The following CACNA1C variants were observed in gnomAD, a reference collection of about 807,000 sequenced individuals.
CACNA1C encodes voltage-dependent L-type calcium channel subunit alpha-1C.
A neutral mutation model predicts 229.0 loss-of-function variants in CACNA1C; 30 were observed. The observed-to-expected ratio is 0.13, with a 90% CI of 0.10 to 0.18. The LOEUF is 0.18. Among genes scored for constraint, CACNA1C ranks in the 10% least tolerant of loss-of-function variants. The pLI, the probability that CACNA1C is intolerant of heterozygous loss-of-function variation, is 1.00. For synonymous variants in CACNA1C, 1,114 were observed against 1,132.5 expected (o/e 0.98, Z 0.33); for missense variants, 1,658 against 2,845.0 (o/e 0.58, Z 9.49).
chr12:2,351,465 C>A (rs1161347758), intron 3 of CACNA1C, among the ~76,000 whole-genome samples: 2 of 152,184 alleles, frequency 1.3e-5, no homozygotes, highest in Admixed American at 1.3e-4. Flanking sequence ...CACTTCCTGG[C>A]CCTGGAGGTG....
rs1339169620 is a variant in CACNA1C, at chr12:2,067,253, A to G, written c.49+13642A>G. Among the ~76,000 whole-genome samples the G allele has an allele frequency of 6.6e-6, 1 of 152,062 alleles. No homozygotes were observed. The highest frequency in any genetic ancestry group is 1.5e-5 in the Non-Finnish European group (1 of 67,988). ...GTTTTAGTGGGAGTCAGGGAGTCTG[A>G]ATCCCCCAGCCTGCCTCCATCCCAG... is the stretch of plus-strand genomic sequence containing the variant. On this transcript the variant is annotated intron_variant, in intron 1 of 46. Coordinates refer to ENST00000399655, the MANE Select transcript of CACNA1C (RefSeq NM_000719.7). The surrounding 1 kb of genome is among the most constrained non-coding windows in gnomAD (Gnocchi z 5.3).
intron 13 of CACNA1C, among the ~76,000 whole-genome samples, chr12:2,577,903 C>G (rs1202199116): frequency 2.0e-5 from 3 of 148,420 alleles, no homozygotes; most frequent in South Asian, 4.3e-4. Context: ...GAGTCTCGCT[C>G]TGTCGCCCAG....
chr12:2,349,734 T>C (rs1315337888), intron 3 of CACNA1C, among the ~76,000 whole-genome samples: 2 of 152,112 alleles, frequency 1.3e-5, no homozygotes, highest in African/African-American at 4.8e-5. Flanking sequence ...TCTCTGAGCC[T>C]CTGTTTCTTC....
intron 43 of CACNA1C, 59 bp from the exon 44 acceptor site, chr12:2,685,677 C>T: frequency 7.8e-7 from 1 of 1,274,706 alleles, no homozygotes; most frequent in South Asian, 1.2e-5. Context: ...GTGCAGCTGT[C>T]CCTGTGGGTG....
chr12:1,984,778 T>TAAA (rs764705302), intron 1 of CACNA1C, among the ~76,000 whole-genome samples: 1,892 of 81,228 alleles, frequency 0.023, 55 homozygotes, highest in African/African-American at 0.062. Context: ...GGTCTTCTGG[T>TAAA]AAAAAAAAAA....
intron 3 of CACNA1C, among the ~76,000 whole-genome samples, chr12:2,230,131 G>C (rs897686898): frequency 6.6e-6 from 1 of 152,112 alleles, no homozygotes; most frequent in Admixed American, 6.5e-5. Context: ...CTCGCTGACT[G>C]TGCTCAGGAT....
intron 3 of CACNA1C, among the ~76,000 whole-genome samples, chr12:2,128,364 C>G (rs551351055): frequency 6.6e-6 from 1 of 152,104 alleles, no homozygotes; most frequent in Non-Finnish European, 1.5e-5. Context: ...GGTTCTGTTG[C>G]AAAATAAATT....
At chr12:2,457,064 G>A (rs2099431444) in intron 4 of CACNA1C, among the ~76,000 whole-genome samples, 1 of 152,180 alleles carries the variant, frequency 6.6e-6, no homozygotes, top group African/African-American at 2.4e-5. Context: ...CATTTGCGCA[G>A]CACGCACCTC....
At chr12:2,174,819 A>G (rs2096597676) in intron 3 of CACNA1C, among the ~76,000 whole-genome samples, 1 of 152,256 alleles carries the variant, frequency 6.6e-6, no homozygotes, top group African/African-American at 2.4e-5. Flanking sequence ...ACAATAAAGT[A>G]GGCTAGAGAA....
chr12:2,674,355 G>C, intron 38 of CACNA1C, 186 bp from the exon 39 acceptor site: 2 of 800,274 alleles, frequency 2.5e-6, no homozygotes, highest in Non-Finnish European at 3.8e-6. Context: ...AAGGTGGACA[G>C]AGGAAGGGGA....
intron 3 of CACNA1C, among the ~76,000 whole-genome samples, chr12:2,381,530 G>T (rs1567352848): frequency 6.6e-6 from 1 of 152,202 alleles, no homozygotes; most frequent in Non-Finnish European, 1.5e-5. Context: ...GGTGGTTCTG[G>T]TGTTCCCACC....
rs775414849 is a variant in CACNA1C, at chr12:2,512,954, G to A, written c.1360G>A (p.Glu454Lys). ...AGACATCGATCCTGAGAATGAGGAC[G>A]AAGGCATGGATGAGGAGAAGCCCCG... is the stretch of plus-strand genomic sequence containing the variant. ...AEDIDPENED[E>K]GMDEEKPRNM... Residue 454 changes from glutamate to lysine, a missense_variant, in exon 9 of 47, where the codon GAA (glutamate) becomes AAA (lysine). Physicochemically the swap from Glu to Lys is moderately conservative, Grantham distance 56. Transcript: ENST00000399655. The surrounding 1 kb of genome is among the most constrained non-coding windows in gnomAD (Gnocchi z 4.3). 14 of 1,608,588 alleles carry A rather than the reference G, an allele frequency of 8.7e-6. No individual in the cohort carries two copies. Among genetic ancestry groups the A allele is most frequent in the South Asian group, 2.2e-5 (2 of 89,670 alleles).
intron 3 of CACNA1C, among the ~76,000 whole-genome samples, chr12:2,151,921 G>C (rs2095294516): frequency 6.6e-6 from 1 of 152,234 alleles, no homozygotes. Context: ...CCCAGGGACA[G>C]AGTATCCTCT....
In CACNA1C at chr12:2,215,691, T is replaced by C. The variant is rs1599405473; in HGVS notation, c.477+95261T>C. On this transcript the variant is annotated intron_variant, in intron 3 of 46. Transcript: ENST00000399655. The surrounding 1 kb of genome is among the most constrained non-coding windows in gnomAD (Gnocchi z 5.0). ...AGGCCTGGCAGAGGGAAGGACCATG[T>C]TCTCTCCCAAACAGGCCAGTCCTTG... is the stretch of plus-strand genomic sequence containing the variant. Among the ~76,000 whole-genome samples the C allele has an allele frequency of 1.3e-5, 2 of 152,220 alleles. No homozygotes were observed. Among genetic ancestry groups the C allele is most frequent in the African/African-American group, 4.8e-5 (2 of 41,464 alleles).
intron 3 of CACNA1C, among the ~76,000 whole-genome samples, chr12:2,387,188 A>T (rs2154547531): frequency 6.6e-6 from 1 of 152,338 alleles, no homozygotes; most frequent in East Asian, 1.9e-4. Context: ...TCAGATGATT[A>T]AAGAAGCAAT....
At chr12:2,255,761 T>C (rs951394010) in intron 3 of CACNA1C, among the ~76,000 whole-genome samples, 1 of 145,076 alleles carries the variant, frequency 6.9e-6, no homozygotes, top group Admixed American at 7.0e-5. Flanking sequence ...TGCTTGGCCC[T>C]ACGGATATCA....
intron 29 of CACNA1C, among the ~76,000 whole-genome samples, chr12:2,616,805 G>A (rs1418155186): frequency 1.3e-5 from 2 of 152,234 alleles, no homozygotes; most frequent in Non-Finnish European, 2.9e-5. Context: ...CCGCCTCATG[G>A]CCTCCATGCC....
intron 12 of CACNA1C, among the ~76,000 whole-genome samples, chr12:2,567,309 G>A: frequency 6.6e-6 from 1 of 152,220 alleles, no homozygotes; most frequent in Non-Finnish European, 1.5e-5. Context: ...CATCCCCACA[G>A]GCCTGCTATG....
chr12:2,182,131 C>CAAA (rs56365126), intron 3 of CACNA1C, among the ~76,000 whole-genome samples: 4 of 86,646 alleles, frequency 4.6e-5, no homozygotes, highest in South Asian at 4.1e-4. Flanking sequence ...TTTCTGTCTG[C>CAAA]AAAAAAAAAA....
Sources: gnomAD v4.1 joint callset for allele counts (sites outside exome capture counted in the v4.1 genomes callset) on GRCh38, gnomAD v4.1.1 for gene constraint, Gnocchi (gnomAD v3.1) non-coding constraint, MANE v1.5 for transcripts, NCBI Gene and HGNC (gene_info 2026-07-23, HGNC 2026-07-21) for gene names.